The following TRAPPC13 variants were observed in gnomAD, a reference collection of about 807,000 sequenced individuals.
TRAPPC13 encodes the protein trafficking protein particle complex subunit 13, also known as REV7-interacting novel NHEJ regulator 1.
TRAPPC13 carries 39 observed loss-of-function variants against 54.0 expected under a neutral mutation model. The observed-to-expected ratio is 0.72, with a 90% CI of 0.56 to 0.94. The LOEUF is 0.94. Ranked by LOEUF, TRAPPC13 falls within the 40% of genes least tolerant of loss-of-function variation. The pLI is 0.00. For synonymous variants in TRAPPC13, 148 were observed against 167.7 expected (o/e 0.88, Z 0.91); for missense variants, 386 against 488.1 (o/e 0.79, Z 1.97).
chr5:65,658,041 A>G, intron 8 of TRAPPC13: 1 of 214,740 alleles, frequency 4.7e-6, no homozygotes, highest in Non-Finnish European at 9.3e-6. Flanking sequence ...ACTAAAGCAC[A>G]TTTTAATATT....
intron 4 of TRAPPC13, among the ~76,000 whole-genome samples, chr5:65,640,160 T>C (rs1251719184): frequency 6.6e-6 from 1 of 152,220 alleles, no homozygotes; most frequent in Non-Finnish European, 1.5e-5. Context: ...TTGTCTGTTT[T>C]TATAAGGCTT....
intron 11 of TRAPPC13, 33 bp from the exon 12 acceptor site, chr5:65,664,204 G>C: frequency 6.2e-7 from 1 of 1,602,252 alleles, no homozygotes; most frequent in Non-Finnish European, 8.5e-7. Flanking sequence ...AAATGAACAA[G>C]ATTTATTCCT....
At chr5:65,633,314 T>C (rs1166480040) in intron 1 of TRAPPC13, among the ~76,000 whole-genome samples, 1 of 152,014 alleles carries the variant, frequency 6.6e-6, no homozygotes, top group African/African-American at 2.4e-5. Context: ...GGGGTCTTGC[T>C]CTGTTGCCCA....
At position 65,629,961 on chromosome 5, in the gene TRAPPC13, A is replaced by G. The variant is rs1185107392; in HGVS notation, c.46+4855A>G. 5.9e-6 allele frequency: 9 copies of G among 1,536,004 alleles called. No individual in the cohort carries two copies. The South Asian group carries it at 8.3e-5, about 14-fold the overall frequency. ...CTGGGTAAACAATCAGAAAAGGGAA[A>G]ACAGCACAAGAGGAGATCTTGGAGT... On this transcript the variant is annotated intron_variant, in intron 1 of 12. Coordinates refer to ENST00000399438, the MANE Select transcript of TRAPPC13 (RefSeq NM_024941.4).
At chr5:65,642,643 A>T (rs942005948) in intron 4 of TRAPPC13, among the ~76,000 whole-genome samples, 1 of 152,130 alleles carries the variant, frequency 6.6e-6, no homozygotes, top group African/African-American at 2.4e-5. Context: ...TATATCCTGA[A>T]GATTCAAATG....
At chr5:65,659,988 AAAGAAGAAG>A in intron 9 of TRAPPC13, among the ~76,000 whole-genome samples, 1 of 139,278 alleles carries the variant, frequency 7.2e-6, no homozygotes, top group Admixed American at 7.2e-5. Context: ...AAAAAAAAAA[AAAGAAGAAG>A]AAGAAGAAGA....
At chr5:65,658,574 C>A in intron 9 of TRAPPC13, 73 bp downstream of exon 9, 1 of 1,293,886 alleles carries the variant, frequency 7.7e-7, no homozygotes, top group Non-Finnish European at 1.0e-6. Flanking sequence ...CATTGCTCTT[C>A]AGTGGGTTTT....
At chr5:65,654,552 A>G (rs985797907) in intron 7 of TRAPPC13, among the ~76,000 whole-genome samples, 5 of 152,198 alleles carry the variant, frequency 3.3e-5, no homozygotes, top group African/African-American at 4.8e-5. Context: ...GAGGCAGATT[A>G]TGTTGACCCC....
At chr5:65,647,256 T>C in intron 5 of TRAPPC13, 74 bp downstream of exon 5, 1 of 1,372,838 alleles carries the variant, frequency 7.3e-7, no homozygotes, top group Non-Finnish European at 9.9e-7. Flanking sequence ...TGCTTTCTTT[T>C]CATTCACCAT....
At chr5:65,632,973 A>C (rs1171672125) in intron 1 of TRAPPC13, among the ~76,000 whole-genome samples, 1 of 152,248 alleles carries the variant, frequency 6.6e-6, no homozygotes, top group South Asian at 2.1e-4. Flanking sequence ...TGGATGCTAC[A>C]AAACTGAACG....
chr5:65,649,152 G>C (rs138660256), intron 5 of TRAPPC13, among the ~76,000 whole-genome samples: 1 of 152,226 alleles, frequency 6.6e-6, no homozygotes, highest in African/African-American at 2.4e-5. Flanking sequence ...GGAGGTCAAG[G>C]CTTCAGTGAT....
intron 1 of TRAPPC13, among the ~76,000 whole-genome samples, chr5:65,634,713 A>T (rs2150666887): frequency 6.7e-6 from 1 of 149,450 alleles, no homozygotes; most frequent in East Asian, 2.0e-4. Context: ...CAACATGGTG[A>T]AACCCCGTCT....
At chr5:65,647,328 TA>T in intron 5 of TRAPPC13, 146 bp downstream of exon 5, 1 of 635,388 alleles carries the variant, frequency 1.6e-6, no homozygotes, top group Non-Finnish European at 2.5e-6. Flanking sequence ...TTACCAGAAA[TA>T]AAGTTTAAAC....
chr5:65,638,122 CAAAA>C (rs33942733), intron 4 of TRAPPC13, among the ~76,000 whole-genome samples: 1 of 126,066 alleles, frequency 7.9e-6, no homozygotes, highest in South Asian at 2.5e-4. Flanking sequence ...GACTCCATCT[CAAAA>C]AAAAAAAAAA....
chr5:65,651,842 GTTTTTTTTTTTTTTTTTTTTTTTT>G (rs762929434), intron 6 of TRAPPC13, among the ~76,000 whole-genome samples: 2 of 41,162 alleles, frequency 4.9e-5, no homozygotes, highest in East Asian at 1.9e-3. Context: ...ACGTGATTCA[GTTTTTTTTTTTTTTTTTTTTTTTT>G]TTTTTTTTTT....
At chr5:65,627,163 A>G (rs1464449174) in intron 1 of TRAPPC13, among the ~76,000 whole-genome samples, 2 of 150,062 alleles carry the variant, frequency 1.3e-5, no homozygotes, top group Non-Finnish European at 3.0e-5. Flanking sequence ...AAAAAGAACA[A>G]TAAGCAGCCT....
At chr5:65,639,714 A>G (rs900058135) in intron 4 of TRAPPC13, among the ~76,000 whole-genome samples, 8 of 152,248 alleles carry the variant, frequency 5.3e-5, no homozygotes, top group African/African-American at 1.9e-4. Context: ...TGTGTTAGAA[A>G]GACTGATATG....
intron 9 of TRAPPC13, among the ~76,000 whole-genome samples, chr5:65,660,148 G>T (rs1045867872): frequency 1.3e-5 from 2 of 151,896 alleles, no homozygotes; most frequent in African/African-American, 4.8e-5. Context: ...TTCTTTTCTA[G>T]ATGTTTTAGT....
intron 1 of TRAPPC13, among the ~76,000 whole-genome samples, chr5:65,633,977 GTTTTTTT>G (rs67982454): frequency 1.7e-5 from 1 of 60,450 alleles, no homozygotes; most frequent in Non-Finnish European, 2.8e-5. Flanking sequence ...CTCTCCCAGC[GTTTTTTT>G]TTTTTTTTTT....
Sources: allele counts gnomAD v4.1 joint callset (sites outside exome capture counted in the v4.1 genomes callset), GRCh38; gene constraint gnomAD v4.1.1; transcripts MANE v1.5; gene names NCBI Gene and HGNC (gene_info 2026-07-23, HGNC 2026-07-21).